Variants in MAFG observed in about 807,000 individuals in gnomAD.
The protein encoded by MAFG is transcription factor MafG.
Under a neutral mutation model 12.2 loss-of-function variants are expected in MAFG, and 3 were observed. The ratio of observed to expected loss-of-function variants is 0.25; its 90% CI spans 0.11 to 0.64. MAFG has a LOEUF of 0.64. Among genes scored for constraint, MAFG ranks in the 30% least tolerant of loss-of-function variants. The pLI is 0.85. For missense variants in MAFG, 153 were observed against 235.5 expected (o/e 0.65, Z 2.29); for synonymous variants, 126 against 109.1 (o/e 1.15, Z -0.96).
At position 81,922,151 on chromosome 17, in the gene MAFG, G is replaced by A. The variant is rs1226211589; in HGVS notation, c.*454C>T. The A allele has an allele frequency of 6.5e-6, 1 of 152,928 alleles. No homozygotes were observed. Among genetic ancestry groups the A allele is most frequent in the Non-Finnish European group, 1.5e-5 (1 of 68,554 alleles). 9.5% of individuals were successfully genotyped at this position (152,928 alleles called of 1,614,324 possible). A position where few individuals can be genotyped will look rare whatever the true frequency, so the allele number is the denominator to read the frequency against. ...CCATCTCTTCATGCTGGGCTAAGCTGAGCTGCTCCCCTGGGGCTAAAGAGA... is the reference window on the plus strand; with the variant it reads ...CCATCTCTTCATGCTGGGCTAAGCTAAGCTGCTCCCCTGGGGCTAAAGAGA... On this transcript the variant is annotated 3_prime_UTR_variant, in exon 3 of 3. Transcript: ENST00000357736.
In MAFG at chr17:81,918,326, AACAT is replaced by A. The variant is rs1254061837; in HGVS notation, c.*4275_*4278del. The A allele has an allele frequency of 4.5e-5, 21 of 466,084 alleles. No individual in the cohort carries two copies. The Admixed American group carries it at 9.1e-4, about 20-fold the overall frequency. The allele number at this position is 466,084 out of a possible 1,614,324, so 28.9% of individuals were successfully genotyped here. On this transcript the variant is annotated 3_prime_UTR_variant, in exon 3 of 3. Coordinates refer to ENST00000357736, the MANE Select transcript of MAFG (RefSeq NM_002359.4). ...AATAAAGAAAACCTTATATATCACA[AACAT>A]ACACTATGTACAGCAATAAATACCC...
rs1184352430 is a variant in MAFG, at chr17:81,926,536, T to C, written c.-30+992A>G. 6.6e-6 allele frequency among the ~76,000 whole-genome samples: 1 copy of C among 152,154 alleles called. No individual in the cohort carries two copies. The highest frequency in any genetic ancestry group is 1.9e-4 in the East Asian group (1 of 5,196). On this transcript the variant is annotated intron_variant, in intron 1 of 2. Transcript: ENST00000357736. The surrounding 1 kb of genome is among the most constrained non-coding windows in gnomAD (Gnocchi z 4.6). ...CTCTTTCTCCCAGGACCTCGATCTC[T>C]GGCCAGGGGCTGTCCAACCAGGCCA...
rs957261200 is a variant in MAFG at position 81,922,501 on chromosome 17, A to G, written c.*104T>C. 7.7e-6 allele frequency: 7 copies of G among 909,978 alleles called. No homozygotes were observed. The highest frequency in any genetic ancestry group is 2.3e-4 in the Middle Eastern group (1 of 4,388). 56.4% of individuals were successfully genotyped at this position (909,978 alleles called of 1,614,324 possible). A position where few individuals can be genotyped will look rare whatever the true frequency, so the allele number is the denominator to read the frequency against. On this transcript the variant is annotated 3_prime_UTR_variant, in exon 3 of 3. Coordinates refer to ENST00000357736, the MANE Select transcript of MAFG (RefSeq NM_002359.4). ...TTGCAGGGAAGAGAGAAGGGTGGGG[A>G]AGAGAGGGAGGAAAGAGAAGAGAAG... is the stretch of plus-strand genomic sequence containing the variant.
intron 1 of MAFG, among the ~76,000 whole-genome samples, chr17:81,925,150 C>T (rs1232287872): frequency 6.6e-6 from 1 of 152,228 alleles, no homozygotes. Context: ...GCTGCCCCCG[C>T]CCTCCTCCAG....
rs777107870 is a variant in MAFG at position 81,922,814 on chromosome 17, C to T, written c.280G>A (p.Ala94Thr). Residue 94 changes from alanine to threonine, a missense_variant, in exon 3 of 3, where the codon GCC becomes ACC. Ala to Thr is a moderately conservative substitution (Grantham distance 58, BLOSUM62 0). Around this residue, in one of 3 missense-constraint regions of MAFG, gnomAD observed 29 missense variants for 75.3 expected, o/e 0.39. Transcript: ENST00000357736. ...AELQQEVEKL[A>T]SENASMKLEL... ...AGCTTCATGCTGGCGTTCTCTGAGG[C>T]CAGCTTCTCCACCTCCTGCTGCAGC... 1 of 1,607,218 alleles carries T rather than the reference C, an allele frequency of 6.2e-7. No individual in the cohort carries two copies. The highest frequency in any genetic ancestry group is 8.5e-7 in the Non-Finnish European group (1 of 1,177,062).
rs1206961625 is a variant in MAFG at position 81,923,126 on chromosome 17, A to G, written c.36+24T>C. On this transcript the variant is annotated intron_variant, in intron 2 of 2. Transcript: ENST00000357736. Reference sequence around the variant, plus strand: ...ACTGTGCCCCCCGACCCCAGCCCACAGGCTCCTGTCCCTGCCCACTCACCT... The same window carrying G: ...ACTGTGCCCCCCGACCCCAGCCCACGGGCTCCTGTCCCTGCCCACTCACCT... 1.9e-6 allele frequency: 3 copies of G among 1,610,846 alleles called. No homozygotes were observed. The African/African-American group carries it at 4.0e-5, about 22-fold the overall frequency.
upstream of MAFG, among the ~76,000 whole-genome samples, chr17:81,929,300 G>A (rs1374190822): frequency 6.6e-6 from 1 of 152,214 alleles, no homozygotes; most frequent in Non-Finnish European, 1.5e-5. The surrounding 1 kb of genome is among the most constrained non-coding windows in gnomAD (Gnocchi z 5.7). Flanking sequence ...GACACTCAGG[G>A]AGCTGCCCAG....
chr17:81,923,251 A>ACC, intron 1 of MAFG, 37 bp from the exon 2 acceptor site: 1 of 502,014 alleles, frequency 2.0e-6, no homozygotes, highest in South Asian at 6.7e-5. Context: ...CCTGGAGACC[A>ACC]CCCTCGCCGC....
rs928769378 is a variant in MAFG, at chr17:81,922,368, C to T, written c.*237G>A. The T allele has an allele frequency of 5.1e-5, 18 of 353,356 alleles. No homozygotes were observed. The highest frequency in any genetic ancestry group is 7.6e-5 in the Non-Finnish European group (15 of 197,472). The allele number at this position is 353,356 out of a possible 1,614,324, so 21.9% of individuals were successfully genotyped here. On this transcript the variant is annotated 3_prime_UTR_variant, in exon 3 of 3. Coordinates refer to ENST00000357736, the MANE Select transcript of MAFG (RefSeq NM_002359.4). Reference sequence around the variant, plus strand: ...GGCCCTGGTACAAAAGGGGTTGGGGCGACCCCACGTCACCGCCGAACTGAC... The same window carrying T: ...GGCCCTGGTACAAAAGGGGTTGGGGTGACCCCACGTCACCGCCGAACTGAC...
At chr17:81,925,018 C>G (rs541522780) in intron 1 of MAFG, among the ~76,000 whole-genome samples, 1 of 152,198 alleles carries the variant, frequency 6.6e-6, no homozygotes, top group Non-Finnish European at 1.5e-5. Context: ...ATCAAAGGTG[C>G]GCCGGGGGGT....
chr17:81,923,262 ACCCCCCCC>A lies in MAFG; in HGVS notation c.-29-56_-29-49del, dbSNP rs1002296043. 492 of 362,748 alleles carry A rather than the reference ACCCCCCCC, an allele frequency of 1.4e-3. 41 individuals carry two copies. In the Admixed American group the frequency reaches 0.046, roughly 34 times the overall value. 22.5% of individuals were successfully genotyped at this position (362,748 alleles called of 1,614,324 possible). A position where few individuals can be genotyped will look rare whatever the true frequency, so the allele number is the denominator to read the frequency against. ...GTACCCTGGAGACCACCCTCGCCGCACCCCCCCCCCCCCGCCCCCGGCCCAGTTCACAA... is the reference window on the plus strand; with the variant it reads ...GTACCCTGGAGACCACCCTCGCCGCACCCCCGCCCCCGGCCCAGTTCACAA... On this transcript the variant is annotated intron_variant, in intron 1 of 2. Coordinates refer to ENST00000357736, the MANE Select transcript of MAFG (RefSeq NM_002359.4).
Position 81,922,426 on chromosome 17 carries a change from G to GT in MAFG, c.*178_*179insA. The GT allele has an allele frequency of 4.0e-6, 2 of 494,820 alleles. No homozygotes were observed. Among genetic ancestry groups the GT allele is most frequent in the Non-Finnish European group, 3.5e-6 (1 of 288,154 alleles). The allele number at this position is 494,820 out of a possible 1,614,324, so 30.7% of individuals were successfully genotyped here. On this transcript the variant is annotated 3_prime_UTR_variant, in exon 3 of 3. Transcript: ENST00000357736. The stretch of plus-strand genomic sequence containing the variant: ...AACATACAAAACACACGACGACAAT[G>GT]ACGAGATCAAAGGGGCTCAGCCCGG...
Position 81,922,756 on chromosome 17 carries a change from G to T in MAFG, c.338C>A (p.Ala113Glu), listed in dbSNP as rs1484227077. The T allele has an allele frequency of 1.3e-6, 2 of 1,591,184 alleles. No homozygotes were observed. The highest frequency in any genetic ancestry group is 1.7e-6 in the Non-Finnish European group (2 of 1,168,754). ...ELDALRSKYEALQTFARTVAR... is the reference protein window; with the variant it reads ...ELDALRSKYEELQTFARTVAR... ...CACCGTCCGGGCGAAGGTCTGCAGC[G>T]CCTCGTACTTGGAGCGCAGCGCGTC... The change falls in exon 3 of 3, where the codon GCG becomes GAG. Residue 113 changes from alanine (A) to glutamate (E), a missense_variant. By Grantham distance (107) the Ala-to-Glu change is moderately radical. Around this residue, in one of 3 missense-constraint regions of MAFG, gnomAD observed 81 missense variants for 94.7 expected, o/e 0.86. Coordinates refer to ENST00000357736, the MANE Select transcript of MAFG (RefSeq NM_002359.4).
rs564540795 is a variant in MAFG, at chr17:81,921,192, G to C, written c.*1413C>G. The C allele has an allele frequency of 1.3e-5, 2 of 152,324 alleles. No individual in the cohort carries two copies. The highest frequency in any genetic ancestry group is 2.1e-4 in the South Asian group (1 of 4,834). The allele number at this position is 152,324 out of a possible 1,614,324, so 9.4% of individuals were successfully genotyped here. ...AGATGTAGCCAAGGCTCAGTGGAGG[G>C]GGGCATGACAGAACCCCATGTCTCA... is the stretch of plus-strand genomic sequence containing the variant. On this transcript the variant is annotated 3_prime_UTR_variant, in exon 3 of 3. Coordinates refer to ENST00000357736, the MANE Select transcript of MAFG (RefSeq NM_002359.4).
intron 1 of MAFG, 72 bp downstream of exon 1, chr17:81,927,456 C>G (rs1312637786): frequency 6.8e-6 from 1 of 147,722 alleles, no homozygotes; most frequent in Non-Finnish European, 1.5e-5. Context: ...CCTGCCTGCG[C>G]GCCCCCTCGG....
upstream of MAFG, chr17:81,928,197 G>T (rs868052140): frequency 6.6e-6 from 1 of 152,222 alleles, no homozygotes; most frequent in Non-Finnish European, 1.5e-5. This position sits in a 1 kb window ranked among gnomAD's most constrained non-coding sequence, Gnocchi z 8.1. Context: ...CGGCCTGGCA[G>T]CTCCCAGCAG....
Position 81,922,303 on chromosome 17 carries a change from T to C in MAFG, c.*302A>G. 2 of 232,924 alleles carry C rather than the reference T, an allele frequency of 8.6e-6. No homozygotes were observed. Among genetic ancestry groups the C allele is most frequent in the Non-Finnish European group, 8.3e-6 (1 of 120,678 alleles). 14.4% of individuals were successfully genotyped at this position (232,924 alleles called of 1,614,324 possible). The stretch of plus-strand genomic sequence containing the variant: ...TTCTCTCTCCCGCAACTCTCTCTAG[T>C]CCGTTCCCACAGCACCAACTCTGGA... On this transcript the variant is annotated 3_prime_UTR_variant, in exon 3 of 3. Transcript: ENST00000357736.
rs1484768511 is a variant in MAFG, at chr17:81,921,120, C to A, written c.*1485G>T. The A allele has an allele frequency of 1.3e-5, 2 of 152,226 alleles. No homozygotes were observed. The highest frequency in any genetic ancestry group is 2.9e-5 in the Non-Finnish European group (2 of 68,108). 9.4% of individuals were successfully genotyped at this position (152,226 alleles called of 1,614,324 possible). ...AGCAGCGTGGGGCGCCCCAAGGGACCCCAGTTTCACCTACCCCGCCACTAG... is the reference window on the plus strand; with the variant it reads ...AGCAGCGTGGGGCGCCCCAAGGGACACCAGTTTCACCTACCCCGCCACTAG... On this transcript the variant is annotated 3_prime_UTR_variant, in exon 3 of 3. Transcript: ENST00000357736.
intron 1 of MAFG, 122 bp from the exon 2 acceptor site, chr17:81,923,336 T>G: frequency 1.6e-6 from 1 of 608,690 alleles, no homozygotes. Context: ...GCTGTCCAGG[T>G]GCCCAGCCCC....
Sources: allele counts gnomAD v4.1 joint callset (sites outside exome capture counted in the v4.1 genomes callset), GRCh38; gene constraint gnomAD v4.1.1; regional missense constraint gnomAD v4.1.1; non-coding constraint Gnocchi (gnomAD v3.1); transcripts MANE v1.5; gene names NCBI Gene and HGNC (gene_info 2026-07-23, HGNC 2026-07-21).